The following ABCA3 variants were observed in gnomAD, a reference collection of about 807,000 sequenced individuals.
ABCA3 encodes ATP binding cassette subfamily A member 3, also known as phospholipid-transporting ATPase ABCA3.
A neutral mutation model predicts 172.8 loss-of-function variants in ABCA3; 88 were observed. The observed-to-expected ratio is 0.51, with a 90% CI of 0.43 to 0.61. ABCA3 has a LOEUF of 0.61. Ranked by LOEUF, ABCA3 falls within the 20% of genes least tolerant of loss-of-function variation. The pLI, the probability that ABCA3 is intolerant of heterozygous loss-of-function variation, is 0.00. For missense variants in ABCA3, 2,164 were observed against 2,301.0 expected, an observed-to-expected ratio of 0.94 and a Z score of 1.22; for synonymous variants, 1,066 against 983.8, an observed-to-expected ratio of 1.08 and a Z score of -1.56.
At chr16:2,292,315 C>T (rs534906547) in intron 18 of ABCA3, 77 bp from the exon 19 acceptor site, 6 of 1,295,928 alleles carry the variant, frequency 4.6e-6, no homozygotes, top group East Asian at 4.8e-5. Context: ...ATCACCCCCC[C>T]TCGGCCAGGC....
intron 8 of ABCA3, among the ~76,000 whole-genome samples, chr16:2,318,140 A>G (rs2093719507): frequency 6.6e-6 from 1 of 152,210 alleles, no homozygotes; most frequent in Non-Finnish European, 1.5e-5. Flanking sequence ...GCCAGTTCCC[A>G]ACCACGTCAA....
chr16:2,306,057 T>C (rs2093697160), intron 11 of ABCA3, among the ~76,000 whole-genome samples: 1 of 152,130 alleles, frequency 6.6e-6, no homozygotes, highest in African/African-American at 2.4e-5. Context: ...TCTGTTTTAA[T>C]AACATTCACT....
At chr16:2,316,482 T>C (rs1596859009) in intron 10 of ABCA3, among the ~76,000 whole-genome samples, 2 of 26,044 alleles carry the variant, frequency 7.7e-5, no homozygotes, top group African/African-American at 1.5e-4. Flanking sequence ...CCGTCTCTAC[T>C]AAAAATGCAA....
In ABCA3 at chr16:2,285,067, G is replaced by C. The variant is rs1435452015; in HGVS notation, c.3484-69C>G. 11 of 1,528,192 alleles carry C rather than the reference G, an allele frequency of 7.2e-6. No individual in the cohort carries two copies. The highest frequency in any genetic ancestry group is 9.8e-6 in the Non-Finnish European group (11 of 1,125,250). The allele number at this position is 1,528,192 out of a possible 1,614,324, so 94.7% of individuals were successfully genotyped here. ...AGGAGCTCACGGGTAGGGAAGGGGTGAGAGGAGCATTTGGAGGTCCTCAGA... is the reference window on the plus strand; with the variant it reads ...AGGAGCTCACGGGTAGGGAAGGGGTCAGAGGAGCATTTGGAGGTCCTCAGA... On this transcript the variant is annotated intron_variant, in intron 23 of 32. Transcript: ENST00000301732. The surrounding 1 kb of genome is among the most constrained non-coding windows in gnomAD (Gnocchi z 4.7).
At position 2,276,680 on chromosome 16, in the gene ABCA3, C is replaced by G; in HGVS notation, c.5109G>C (p.Gly1703=). The G allele has an allele frequency of 6.2e-7, 1 of 1,613,354 alleles. No homozygotes were observed. Among genetic ancestry groups the G allele is most frequent in the South Asian group, 1.1e-5 (1 of 91,084 alleles). The change falls in exon 33 of 33, where the codon GGG becomes GGC. Residue 1703 remains glycine (G), a synonymous_variant. Coordinates refer to ENST00000301732, the MANE Select transcript of ABCA3 (RefSeq NM_001089.3). Reference sequence around the variant, plus strand: ...GCGAGACAGCCGCCACCCCTCATCGCCCCTCCTCTGCGGTGGGCGGCTGCA... The same window carrying G: ...GCGAGACAGCCGCCACCCCTCATCGGCCCTCCTCTGCGGTGGGCGGCTGCA... ...AHLQPPTAEE[G]R is the part of the protein sequence containing the mutation.
intron 7 of ABCA3, 66 bp from the exon 8 acceptor site, chr16:2,319,906 G>GTGCA: frequency 6.3e-7 from 1 of 1,599,314 alleles, no homozygotes; most frequent in Non-Finnish European, 8.5e-7. Context: ...AGAGGGCCAC[G>GTGCA]TGCATGGGGT....
intron 7 of ABCA3, among the ~76,000 whole-genome samples, chr16:2,321,314 T>C (rs1359587440): frequency 1.3e-5 from 2 of 152,154 alleles, no homozygotes; most frequent in Non-Finnish European, 2.9e-5. Context: ...CCAGGTCTTG[T>C]TCATCTTAGT....
chr16:2,314,328 C>T lies in ABCA3; in HGVS notation c.1111+2955G>A, dbSNP rs185039126. 1.1e-4 allele frequency among the ~76,000 whole-genome samples: 16 copies of T among 152,158 alleles called. No homozygotes were observed. The East Asian group carries it at 1.4e-3, about 13-fold the overall frequency. ...AATTCAGGCTACAACACAGATGAAC[C>T]TTGGGGATGCTATGCTCAGTGAAAT... On this transcript the variant is annotated intron_variant, in intron 10 of 32. Transcript: ENST00000301732.
At chr16:2,288,355 A>G (rs775883893) in intron 20 of ABCA3, 26 bp from the exon 21 acceptor site, 26 of 1,537,308 alleles carry the variant, frequency 1.7e-5, no homozygotes, top group South Asian at 2.4e-5. Context: ...CGCAGGTGAC[A>G]CCGGCACCGC....
At position 2,308,582 on chromosome 16, in the gene ABCA3, T is replaced by C. The variant is rs530540158; in HGVS notation, c.1153A>G (p.Thr385Ala). Residue 385 changes from threonine to alanine, a missense_variant, in exon 11 of 33, where the codon ACC becomes GCC. Transcript: ENST00000301732. The part of the protein sequence containing the change: ...AAFGGFLYFF[T>A]YIPYFFVAPR... ...GCCACGAAGAAGTAGGGGATGTAGG[T>C]GAAGAAGTAGAGGAAGCCTCCGAAG... 234 of 1,614,062 alleles carry C rather than the reference T, an allele frequency of 1.4e-4. 3 individuals carry two copies. In the South Asian group the frequency reaches 2.4e-3, roughly 16 times the overall value.
chr16:2,334,613 G>C (rs2093748824), intron 1 of ABCA3, among the ~76,000 whole-genome samples: 1 of 150,646 alleles, frequency 6.6e-6, no homozygotes, highest in African/African-American at 2.5e-5. Context: ...CCAGGTTCAA[G>C]TAAGTGATTC....
Position 2,317,291 on chromosome 16 carries a change from A to T in ABCA3, c.1103T>A (p.Phe368Tyr). 6.2e-7 allele frequency: 1 copy of T among 1,613,940 alleles called. No individual in the cohort carries two copies. Among genetic ancestry groups the T allele is most frequent in the Admixed American group, 1.7e-5 (1 of 60,006 alleles). ...ISFSFMVSTF[F>Y]SKANMAAAFG... ...CCATGACTGGGGCTCACCTTTGCTG[A>T]AGAAGGTGCTGACCATGAAGCTGAA... Residue 368 changes from phenylalanine to tyrosine, a missense_variant, in exon 10 of 33, where the codon TTC becomes TAC. Around this residue, in one of 3 missense-constraint regions of ABCA3, gnomAD observed 1,343 missense variants for 1,369.6 expected, o/e 0.98. Coordinates refer to ENST00000301732, the MANE Select transcript of ABCA3 (RefSeq NM_001089.3).
Position 2,317,839 on chromosome 16 carries a change from A to C in ABCA3, c.874-75T>G. ...GATGGCATGTGCCAGGCTGGACGGC[A>C]GCAGGCCTGAGTCCGACTGTCCCAG... On this transcript the variant is annotated intron_variant, in intron 8 of 32. Coordinates refer to ENST00000301732, the MANE Select transcript of ABCA3 (RefSeq NM_001089.3). The C allele has an allele frequency of 2.2e-6, 3 of 1,354,548 alleles. No homozygotes were observed. In the South Asian group the frequency reaches 3.5e-5, roughly 16 times the overall value. The allele number at this position is 1,354,548 out of a possible 1,614,324, so 83.9% of individuals were successfully genotyped here. A position where few individuals can be genotyped will look rare whatever the true frequency, so the allele number is the denominator to read the frequency against.
rs566833543 is a variant in ABCA3 at position 2,333,984 on chromosome 16, G to T, written c.-538-4130C>A. ...TGGGATTACAGGCATGAGCCACCAC[G>T]CCTGGCCGATGATAACATTCTTAAT... is the stretch of plus-strand genomic sequence containing the variant. On this transcript the variant is annotated intron_variant, in intron 1 of 32. Transcript: ENST00000301732. Among the ~76,000 whole-genome samples the T allele has an allele frequency of 1.1e-4, 17 of 152,270 alleles. No individual in the cohort carries two copies. In the South Asian group the frequency reaches 3.3e-3, roughly 30 times the overall value.
chr16:2,295,516 G>C, intron 18 of ABCA3, 74 bp downstream of exon 18: 1 of 1,596,742 alleles, frequency 6.3e-7, no homozygotes, highest in East Asian at 2.2e-5. Flanking sequence ...GTGCCTCTGA[G>C]CACAAAGCCC....
Position 2,283,169 on chromosome 16 carries a change from C to A in ABCA3, c.4035+17G>T, listed in dbSNP as rs1386708608. On this transcript the variant is annotated intron_variant, in intron 26 of 32. Coordinates refer to ENST00000301732, the MANE Select transcript of ABCA3 (RefSeq NM_001089.3). This position sits in a 1 kb window ranked among gnomAD's most constrained non-coding sequence, Gnocchi z 5.4. ...GGGAGCATCTCGCCAGTGTCCTGGGCTCCCGGAGCCACTCACCAGTGTCCG... is the reference window on the plus strand; with the variant it reads ...GGGAGCATCTCGCCAGTGTCCTGGGATCCCGGAGCCACTCACCAGTGTCCG... 1 of 1,611,576 alleles carries A rather than the reference C, an allele frequency of 6.2e-7. No individual in the cohort carries two copies. Among genetic ancestry groups the A allele is most frequent in the Admixed American group, 1.7e-5 (1 of 59,852 alleles).
intron 3 of ABCA3, 78 bp from the exon 4 acceptor site, chr16:2,326,570 A>G (rs756535046): frequency 6.9e-7 from 1 of 1,456,024 alleles, no homozygotes; most frequent in Non-Finnish European, 9.4e-7. Flanking sequence ...AAAGCCATGG[A>G]CCCTTTTTCC....
chr16:2,299,380 G>A (rs1024296054), intron 14 of ABCA3, 23 bp downstream of exon 14: 6 of 1,612,716 alleles, frequency 3.7e-6, no homozygotes, highest in Middle Eastern at 1.6e-4. Context: ...TGGTGGCAGG[G>A]GCGTGAGGCG....
In ABCA3 at chr16:2,279,184, C is replaced by T. The variant is rs1450090107; in HGVS notation, c.4360-54G>A. The T allele has an allele frequency of 6.3e-7, 1 of 1,593,212 alleles. No individual in the cohort carries two copies. The highest frequency in any genetic ancestry group is 8.5e-7 in the Non-Finnish European group (1 of 1,173,510). ...GGCGGGTTGGAGGGAAGCCTCCTTCCTCCAGAGGACCACGGGGACTACCCT... is the reference window on the plus strand; with the variant it reads ...GGCGGGTTGGAGGGAAGCCTCCTTCTTCCAGAGGACCACGGGGACTACCCT... On this transcript the variant is annotated intron_variant, in intron 28 of 32. Coordinates refer to ENST00000301732, the MANE Select transcript of ABCA3 (RefSeq NM_001089.3). The surrounding 1 kb of genome is among the most constrained non-coding windows in gnomAD (Gnocchi z 4.4).
Sources: allele counts gnomAD v4.1 joint callset (sites outside exome capture counted in the v4.1 genomes callset), GRCh38; gene constraint gnomAD v4.1.1; regional missense constraint gnomAD v4.1.1; non-coding constraint Gnocchi (gnomAD v3.1); transcripts MANE v1.5; gene names NCBI Gene and HGNC (gene_info 2026-07-23, HGNC 2026-07-21).